Variants in EDIL3 observed in about 807,000 individuals in gnomAD.
EDIL3 encodes the protein EGF-like repeat and discoidin I-like domain-containing protein 3.
Under a neutral mutation model 67.4 loss-of-function variants are expected in EDIL3, and 37 were observed. That is an observed-to-expected ratio of 0.55 (90% CI 0.42 to 0.72). EDIL3 has a LOEUF of 0.72. EDIL3 is among the 30% of genes least tolerant of loss of function. The pLI is 0.00. For missense variants in EDIL3, 527 were observed against 586.3 expected (o/e 0.90, Z 1.04); for synonymous variants, 195 against 196.3 (o/e 0.99, Z 0.05).
intron 6 of EDIL3, among the ~76,000 whole-genome samples, chr5:84,077,853 C>CTT (rs34699251): frequency 4.7e-5 from 7 of 148,168 alleles, no homozygotes; most frequent in African/African-American, 1.7e-4. Context: ...TTTTCTTCCT[C>CTT]TTTTTTTTTT....
intron 9 of EDIL3, among the ~76,000 whole-genome samples, chr5:84,037,013 G>A (rs938058855): frequency 2.6e-5 from 4 of 152,164 alleles, no homozygotes; most frequent in Non-Finnish European, 4.4e-5. Context: ...GGGCTGCGCT[G>A]CAAGGCTGTA....
At chr5:83,963,045 C>G (rs892345735) in intron 10 of EDIL3, among the ~76,000 whole-genome samples, 160 bp downstream of exon 10, 1 of 151,452 alleles carries the variant, frequency 6.6e-6, no homozygotes, top group Non-Finnish European at 1.5e-5. Context: ...GACTGCAACC[C>G]CTTTACAGTA....
chr5:84,357,430 C>G (rs1365714816), intron 1 of EDIL3, among the ~76,000 whole-genome samples: 1 of 152,124 alleles, frequency 6.6e-6, no homozygotes, highest in Non-Finnish European at 1.5e-5. Context: ...TCTCCCACAT[C>G]AAAGCAGATG....
intron 1 of EDIL3, among the ~76,000 whole-genome samples, chr5:84,258,904 T>C (rs1745170968): frequency 1.3e-5 from 2 of 151,406 alleles, no homozygotes; most frequent in South Asian, 4.2e-4. Context: ...TAAAATGCAA[T>C]AGGTTCCTAG....
intron 1 of EDIL3, among the ~76,000 whole-genome samples, chr5:84,337,117 C>G (rs1747005044): frequency 6.6e-6 from 1 of 152,120 alleles, no homozygotes; most frequent in South Asian, 2.1e-4. Flanking sequence ...TGTTCCAAGT[C>G]TGTATATAAA....
At chr5:84,116,382 T>C (rs1580334521) in intron 5 of EDIL3, among the ~76,000 whole-genome samples, 1 of 152,170 alleles carries the variant, frequency 6.6e-6, no homozygotes, top group East Asian at 1.9e-4. Flanking sequence ...ATCTATATTA[T>C]GCATTTACTT....
chr5:84,206,848 T>G (rs188543752), intron 3 of EDIL3, among the ~76,000 whole-genome samples: 167 of 152,226 alleles, frequency 1.1e-3, no homozygotes, highest in African/African-American at 3.7e-3. Flanking sequence ...ATTCAATAAC[T>G]CTTCACGCTA....
chr5:83,987,478 A>G (rs914060722), intron 9 of EDIL3, among the ~76,000 whole-genome samples: 2 of 152,110 alleles, frequency 1.3e-5, no homozygotes, highest in Non-Finnish European at 2.9e-5. Context: ...AATGTTTACT[A>G]TTTGTCAAAA....
intron 1 of EDIL3, among the ~76,000 whole-genome samples, chr5:84,303,866 G>C (rs930477936): frequency 6.7e-6 from 1 of 149,422 alleles, no homozygotes; most frequent in African/African-American, 2.5e-5. Flanking sequence ...GTGTGTGTGT[G>C]TGCATGCATG....
intron 2 of EDIL3, among the ~76,000 whole-genome samples, chr5:84,235,097 T>G (rs923270587): frequency 1.8e-4 from 28 of 152,140 alleles, no homozygotes; most frequent in Admixed American, 1.8e-3. Flanking sequence ...TCCATAGAAG[T>G]ACTGAGAGAG....
rs569423817 is a variant in EDIL3, at chr5:84,240,429, C to A, written c.197-10545G>T. 7.7e-4 allele frequency among the ~76,000 whole-genome samples: 117 copies of A among 152,188 alleles called. 1 individual carries two copies. The highest frequency in any genetic ancestry group is 2.7e-3 in the African/African-American group (114 of 41,524). On this transcript the variant is annotated intron_variant, in intron 2 of 10. Coordinates refer to ENST00000296591, the MANE Select transcript of EDIL3 (RefSeq NM_005711.5). ...AAGGAGATGAATAGAGGCTCTATAT[C>A]CAGGGTCTCCAACTTCCATGGGGCA...
chr5:84,291,830 C>CATATAT (rs150859848), intron 1 of EDIL3, among the ~76,000 whole-genome samples: 4 of 145,920 alleles, frequency 2.7e-5, no homozygotes, highest in African/African-American at 1.0e-4. Flanking sequence ...TATACACACA[C>CATATAT]ATATATATAT....
At chr5:84,110,817 A>G (rs1747549651) in intron 5 of EDIL3, among the ~76,000 whole-genome samples, 1 of 152,234 alleles carries the variant, frequency 6.6e-6, no homozygotes, top group Non-Finnish European at 1.5e-5. Flanking sequence ...CAGGAACATT[A>G]ACATGGAATG....
intron 9 of EDIL3, among the ~76,000 whole-genome samples, chr5:83,977,413 T>C (rs1051837938): frequency 2.8e-4 from 43 of 151,886 alleles, no homozygotes; most frequent in African/African-American, 1.0e-3. Flanking sequence ...TTTTTTTTCT[T>C]GTACTCTCTT....
chr5:84,004,382 C>T (rs574386559), intron 9 of EDIL3, among the ~76,000 whole-genome samples: 1 of 152,042 alleles, frequency 6.6e-6, no homozygotes, highest in Non-Finnish European at 1.5e-5. Flanking sequence ...TTCTTCTCAT[C>T]TCCACATGGC....
At chr5:84,079,644 TG>T (rs934200505) in intron 6 of EDIL3, among the ~76,000 whole-genome samples, 3 of 152,022 alleles carry the variant, frequency 2.0e-5, no homozygotes, top group Non-Finnish European at 2.9e-5. Flanking sequence ...GCAATACAAA[TG>T]TGTCTCAGGC....
chr5:83,968,037 C>T (rs12189389), intron 9 of EDIL3, among the ~76,000 whole-genome samples: 8,992 of 152,132 alleles, frequency 0.059, 316 homozygotes, highest in African/African-American at 0.087. Flanking sequence ...TTATAGGCAA[C>T]GTATTTAATA....
At chr5:84,295,491 G>C (rs909222698) in intron 1 of EDIL3, among the ~76,000 whole-genome samples, 2 of 151,940 alleles carry the variant, frequency 1.3e-5, no homozygotes, top group Non-Finnish European at 1.5e-5. Context: ...ATTATATTTA[G>C]ATATTTTTTG....
intron 5 of EDIL3, among the ~76,000 whole-genome samples, chr5:84,113,128 C>G (rs1407333551): frequency 1.3e-5 from 2 of 152,074 alleles, no homozygotes; most frequent in Non-Finnish European, 1.5e-5. Context: ...CTGAAATTCC[C>G]CATTGTTACC....
Sources: allele counts gnomAD v4.1 joint callset (sites outside exome capture counted in the v4.1 genomes callset), GRCh38; gene constraint gnomAD v4.1.1; transcripts MANE v1.5; gene names NCBI Gene and HGNC (gene_info 2026-07-23, HGNC 2026-07-21).